Variants in OR2T33 observed in about 807,000 individuals in gnomAD.
The protein encoded by OR2T33 is olfactory receptor family 2 subfamily T member 33, also known as olfactory receptor 2T33.
Under a neutral mutation model 14.0 loss-of-function variants are expected in OR2T33, and 10 were observed. That is an observed-to-expected ratio of 0.72 (90% confidence interval 0.44 to 1.22). The LOEUF (loss-of-function observed/expected upper bound fraction) is 1.22. Among genes scored for constraint, OR2T33 ranks in the 50% most tolerant of loss-of-function variants. The probability of loss-of-function intolerance (pLI) is 0.00; values close to 1 mark genes in which losing one functional copy is unlikely to be tolerated. For synonymous variants in OR2T33, 103 were observed against 159.4 expected, an observed-to-expected ratio of 0.65 and a Z score of 2.66; for missense variants, 276 against 405.9, an observed-to-expected ratio of 0.68 and a Z score of 2.75.
chr1:248,275,878 G>T (rs550028472), intron 1 of OR2T33, among the ~76,000 whole-genome samples: 1 of 152,228 alleles, frequency 6.6e-6, no homozygotes, highest in South Asian at 2.1e-4. Context: ...TTTGTGCTAA[G>T]AAAAAGGTAA....
rs1455845251 is a variant in OR2T33, at chr1:248,270,721, G to A, written c.*2131C>T. 6.6e-6 allele frequency: 1 copy of A among 151,778 alleles called. No homozygotes were observed. Among genetic ancestry groups the A allele is most frequent in the Non-Finnish European group, 1.5e-5 (1 of 68,028 alleles). 9.4% of individuals were successfully genotyped at this position (151,778 alleles called of 1,614,324 possible). A position where few individuals can be genotyped will look rare whatever the true frequency, so the allele number is the denominator to read the frequency against. On this transcript the variant is annotated 3_prime_UTR_variant, in exon 2 of 2. Transcript: ENST00000641220. ...TAGATGCCATCCTTTCATTCTTGAA[G>A]TATATAATTTTTATAGAGATAATAC... is the stretch of plus-strand genomic sequence containing the variant.
Position 248,273,559 on chromosome 1 carries a change from C to T in OR2T33, c.256G>A (p.Gly86Arg), listed in dbSNP as rs139302289. 104 of 1,613,158 alleles carry T rather than the reference C, an allele frequency of 6.4e-5. No individual in the cohort carries two copies. In the African/African-American group the frequency reaches 8.7e-4, roughly 13 times the overall value. Residue 86 changes from glycine to arginine, a missense_variant, in exon 2 of 2, where the codon GGA (glycine) becomes AGA (arginine). Coordinates refer to ENST00000641220, the MANE Select transcript of OR2T33 (RefSeq NM_001004695.2). ...VPKMAADYLT[G>R]SKAISRAGCG... ...CCAGCGCGGGAGATGGCCTTACTTC[C>T]GGTCAAGTAGTCAGCCGCCATTTTG... is the stretch of plus-strand genomic sequence containing the variant.
rs764565834 is a variant in OR2T33 at position 248,273,356 on chromosome 1, G to T, written c.459C>A (p.Asp153Glu). 6.2e-7 allele frequency: 1 copy of T among 1,611,866 alleles called. No homozygotes were observed. Among genetic ancestry groups the T allele is most frequent in the African/African-American group, 1.3e-5 (1 of 74,766 alleles). ...GGGTAACAACAGCCTGCAGGAGCCC[G>T]TCAGCTGCACCCAGGAGCCAACACG... ...TMSCWLLGAA[D>E]GLLQAVVTLS... The change falls in exon 2 of 2, where the codon GAC (aspartate) becomes GAA (glutamate). Residue 153 changes from aspartate (D) to glutamate (E), a missense_variant. By Grantham distance (45) the Asp-to-Glu change is conservative (BLOSUM62 2). Coordinates refer to ENST00000641220, the MANE Select transcript of OR2T33 (RefSeq NM_001004695.2).
rs1659353503 is a variant in OR2T33, at chr1:248,270,344, A to G, written c.*2508T>C. The stretch of plus-strand genomic sequence containing the variant: ...AATGATGAGTTAATGAGTGCAGCAC[A>G]CCAACATGACACATGTATGCATATG... On this transcript the variant is annotated 3_prime_UTR_variant, in exon 2 of 2. Coordinates refer to ENST00000641220, the MANE Select transcript of OR2T33 (RefSeq NM_001004695.2). 1 of 152,216 alleles carries G rather than the reference A, an allele frequency of 6.6e-6. No homozygotes were observed. Among genetic ancestry groups the G allele is most frequent in the Admixed American group, 6.5e-5 (1 of 15,280 alleles). The allele number at this position is 152,216 out of a possible 1,614,324, so 9.4% of individuals were successfully genotyped here.
In OR2T33 at chr1:248,271,249, TC is replaced by T. The variant is rs1659367408; in HGVS notation, c.*1602del. On this transcript the variant is annotated 3_prime_UTR_variant, in exon 2 of 2. Coordinates refer to ENST00000641220, the MANE Select transcript of OR2T33 (RefSeq NM_001004695.2). ...TAGCTCAACATGTTCTAAAATAATT[TC>T]TCTGATGGTGAATGAACCTGGTATG... The T allele has an allele frequency of 6.6e-6, 1 of 152,188 alleles. No homozygotes were observed. Among genetic ancestry groups the T allele is most frequent in the Non-Finnish European group, 1.5e-5 (1 of 68,030 alleles). 9.4% of individuals were successfully genotyped at this position (152,188 alleles called of 1,614,324 possible).
intron 1 of OR2T33, among the ~76,000 whole-genome samples, chr1:248,276,007 G>A (rs996443117): frequency 3.3e-5 from 5 of 151,994 alleles, no homozygotes; most frequent in African/African-American, 4.8e-5. Flanking sequence ...TTAAATCAGC[G>A]GTCCCCAACA....
chr1:248,272,783 T>C lies in OR2T33; in HGVS notation c.*69A>G. 4 of 1,523,800 alleles carry C rather than the reference T, an allele frequency of 2.6e-6. No homozygotes were observed. Among genetic ancestry groups the C allele is most frequent in the Non-Finnish European group, 3.5e-6 (4 of 1,138,256 alleles). The allele number at this position is 1,523,800 out of a possible 1,614,324, so 94.4% of individuals were successfully genotyped here. A position where few individuals can be genotyped will look rare whatever the true frequency, so the allele number is the denominator to read the frequency against. ...ACTTAATTTTCTCTGCATGAATTGC[T>C]AAAGGGAGAGAATAACAATGTGTTA... On this transcript the variant is annotated 3_prime_UTR_variant, in exon 2 of 2. Transcript: ENST00000641220.
At chr1:248,275,337 G>A (rs1400530218) in intron 1 of OR2T33, among the ~76,000 whole-genome samples, 1 of 152,162 alleles carries the variant, frequency 6.6e-6, no homozygotes, top group Non-Finnish European at 1.5e-5. Context: ...CAATAAAACA[G>A]GCAAAATAGG....
At chr1:248,276,343 G>GT (rs967587231) in intron 1 of OR2T33, among the ~76,000 whole-genome samples, 3 of 151,926 alleles carry the variant, frequency 2.0e-5, no homozygotes, top group South Asian at 2.1e-4. Flanking sequence ...TTTGAAAATA[G>GT]TTTTTTTAAT....
At position 248,272,893 on chromosome 1, in the gene OR2T33, TTA is replaced by T. The variant is rs1334103705; in HGVS notation, c.920_921del (p.Val307GlufsTer8). Reference sequence around the variant, plus strand: ...GCCTCATTTTGCTGGTGTTTTATGTTTACACACGTCCCCAGCCACCGTTTCAG... The same window carrying T: ...GCCTCATTTTGCTGGTGTTTTATGTTCACACGTCCCCAGCCACCGTTTCAG... Reference protein sequence around the residue: ...GALKRWLGTCVNIKHQQNEAH... With the variant: ...GALKRWLGTCXNIKHQQNEAH... On this transcript the variant is annotated frameshift_variant, in exon 2 of 2. Coordinates refer to ENST00000641220, the MANE Select transcript of OR2T33 (RefSeq NM_001004695.2). LOFTEE classifies it low-confidence loss of function (END_TRUNC). 6.2e-7 allele frequency: 1 copy of T among 1,614,120 alleles called. No homozygotes were observed. Among genetic ancestry groups the T allele is most frequent in the East Asian group, 2.2e-5 (1 of 44,886 alleles).
At chr1:248,275,661 A>G (rs1207522944) in intron 1 of OR2T33, among the ~76,000 whole-genome samples, 1 of 151,988 alleles carries the variant, frequency 6.6e-6, no homozygotes, top group Non-Finnish European at 1.5e-5. Context: ...ATGAACCTGC[A>G]TGTTTGGCAC....
In OR2T33 at chr1:248,271,770, A is replaced by C. The variant is rs1161757454; in HGVS notation, c.*1082T>G. On this transcript the variant is annotated 3_prime_UTR_variant, in exon 2 of 2. Coordinates refer to ENST00000641220, the MANE Select transcript of OR2T33 (RefSeq NM_001004695.2). The stretch of plus-strand genomic sequence containing the variant: ...ATATTATTTCTTAAGTGTGTTTTAC[A>C]TACAGGAAATATAGCCTTTATCATA... 2.6e-5 allele frequency: 4 copies of C among 152,228 alleles called. No individual in the cohort carries two copies. The highest frequency in any genetic ancestry group is 5.9e-5 in the Non-Finnish European group (4 of 68,032). The allele number at this position is 152,228 out of a possible 1,614,324, so 9.4% of individuals were successfully genotyped here. A position where few individuals can be genotyped will look rare whatever the true frequency, so the allele number is the denominator to read the frequency against.
chr1:248,273,098 G>A lies in OR2T33; in HGVS notation c.717C>T (p.Cys239=). ...TEARKKAFAT[C]SSHVAVVGLF... ...GTCCCACCACAGCCACATGTGAAGA[G>A]CAGGTGGCAAAGGCCTTCTTGCGGG... Residue 239 remains cysteine, a synonymous_variant, in exon 2 of 2, where the codon TGC becomes TGT. Transcript: ENST00000641220. 6.2e-7 allele frequency: 1 copy of A among 1,612,408 alleles called. No individual in the cohort carries two copies. The highest frequency in any genetic ancestry group is 8.5e-7 in the Non-Finnish European group (1 of 1,179,808).
At position 248,270,275 on chromosome 1, in the gene OR2T33, G is replaced by C. The variant is rs1659352439; in HGVS notation, c.*2577C>G. 6.6e-6 allele frequency: 1 copy of C among 152,152 alleles called. No individual in the cohort carries two copies. The highest frequency in any genetic ancestry group is 2.4e-5 in the African/African-American group (1 of 41,394). 9.4% of individuals were successfully genotyped at this position (152,152 alleles called of 1,614,324 possible). The stretch of plus-strand genomic sequence containing the variant: ...CACACACCGGGGCCTGTTGTGGGGT[G>C]GGGGAAGCGGGGAGGGATAGCACTA... On this transcript the variant is annotated 3_prime_UTR_variant, in exon 2 of 2. Coordinates refer to ENST00000641220, the MANE Select transcript of OR2T33 (RefSeq NM_001004695.2).
chr1:248,273,269 C>G lies in OR2T33; in HGVS notation c.546G>C (p.Leu182=), dbSNP rs781567187. Residue 182 remains leucine (L), a synonymous_variant, in exon 2 of 2, where the codon CTG becomes CTC. Transcript: ENST00000641220. ...AAGTGTCAGCACAAGCCAAACGCAC[C>G]AGCACGGGGGTCTCGCAGAAGAAGT... ...IDHFFCETPV[L]VRLACADTSV... 2.7e-5 allele frequency: 44 copies of G among 1,610,382 alleles called. No individual in the cohort carries two copies. The highest frequency in any genetic ancestry group is 3.6e-5 in the Non-Finnish European group (43 of 1,179,278).
chr1:248,273,520 T>G lies in OR2T33; in HGVS notation c.295A>C (p.Ile99Leu), dbSNP rs148859755. The G allele has an allele frequency of 6.2e-7, 1 of 1,610,454 alleles. No individual in the cohort carries two copies. Among genetic ancestry groups the G allele is most frequent in the South Asian group, 1.1e-5 (1 of 91,000 alleles). Residue 99 changes from isoleucine (I) to leucine (L), a missense_variant, in exon 2 of 2, where the codon ATC becomes CTC. Transcript: ENST00000641220. ...AISRAGCGVQ[I>L]FFLPTLGGGE... ...CCACCCAGTGTGGGGAGGAAGAAGA[T>G]CTGCACACCACAGCCAGCGCGGGAG... is the stretch of plus-strand genomic sequence containing the variant.
At position 248,273,387 on chromosome 1, in the gene OR2T33, G is replaced by T. The variant is rs749258969; in HGVS notation, c.428C>A (p.Thr143Asn). ...TGCACCCAGGAGCCAACACGACATG[G>T]TCATCCTCAGGCACAGCTGCCAGCT... ...LMSWQLCLRM[T>N]MSCWLLGAAD... is the part of the protein sequence containing the mutation. Residue 143 changes from threonine to asparagine, a missense_variant, in exon 2 of 2, where the codon ACC becomes AAC. Transcript: ENST00000641220. 2 of 1,612,290 alleles carry T rather than the reference G, an allele frequency of 1.2e-6. No homozygotes were observed. The highest frequency in any genetic ancestry group is 2.2e-5 in the South Asian group (2 of 91,002).
At chr1:248,276,843 A>G (rs1659452758) in intron 1 of OR2T33, among the ~76,000 whole-genome samples, 1 of 151,978 alleles carries the variant, frequency 6.6e-6, no homozygotes, top group Admixed American at 6.6e-5. Flanking sequence ...TTGCAGCTTG[A>G]CTGTTTTTAC....
At position 248,271,063 on chromosome 1, in the gene OR2T33, A is replaced by G. The variant is rs1466091989; in HGVS notation, c.*1789T>C. 6.6e-6 allele frequency: 1 copy of G among 152,204 alleles called. No homozygotes were observed. The highest frequency in any genetic ancestry group is 1.5e-5 in the Non-Finnish European group (1 of 68,032). The allele number at this position is 152,204 out of a possible 1,614,324, so 9.4% of individuals were successfully genotyped here. On this transcript the variant is annotated 3_prime_UTR_variant, in exon 2 of 2. Transcript: ENST00000641220. ...TTCATTATTCTCTAGGTAATGGCAT[A>G]TTTTAAAATGACATAAAGATACCAC... is the stretch of plus-strand genomic sequence containing the variant.
Sources: gnomAD v4.1 joint callset for allele counts (sites outside exome capture counted in the v4.1 genomes callset) on GRCh38, gnomAD v4.1.1 for gene constraint, MANE v1.5 for transcripts, NCBI Gene and HGNC (gene_info 2026-07-23, HGNC 2026-07-21) for gene names.